The following ZNF804B variants were observed in gnomAD, a reference collection of about 807,000 sequenced individuals.
ZNF804B encodes the protein zinc finger 804B.
Under a neutral mutation model 101.4 loss-of-function variants are expected in ZNF804B, and 80 were observed. The ratio of observed to expected loss-of-function variants is 0.79; its 90% CI spans 0.66 to 0.95. The LOEUF is 0.95. Among genes scored for constraint, ZNF804B ranks in the 40% least tolerant of loss-of-function variants. The pLI, the probability that ZNF804B is intolerant of heterozygous loss-of-function variation, is 0.00. For missense variants in ZNF804B, 1,673 were observed against 1,561.9 expected, an observed-to-expected ratio of 1.07 and a Z score of -1.20; for synonymous variants, 622 against 558.8, an observed-to-expected ratio of 1.11 and a Z score of -1.59.
chr7:89,027,686 C>CAATGTGA (rs1788770978), intron 1 of ZNF804B, among the ~76,000 whole-genome samples: 1 of 152,110 alleles, frequency 6.6e-6, no homozygotes, highest in South Asian at 2.1e-4. Context: ...TGTGAGCCTT[C>CAATGTGA]AATGTGAAAA....
At chr7:89,035,190 G>C (rs1295899710) in intron 1 of ZNF804B, among the ~76,000 whole-genome samples, 3 of 152,016 alleles carry the variant, frequency 2.0e-5, no homozygotes, top group Non-Finnish European at 2.9e-5. Context: ...ATTTTGAAAA[G>C]ACCCACCTGC....
intron 2 of ZNF804B, among the ~76,000 whole-genome samples, chr7:89,247,633 C>T (rs1412728309): frequency 6.6e-6 from 1 of 151,684 alleles, no homozygotes; most frequent in Non-Finnish European, 1.5e-5. Context: ...AATATAATTA[C>T]AAAAATTAGA....
intron 1 of ZNF804B, among the ~76,000 whole-genome samples, chr7:89,098,364 C>T (rs1377987193): frequency 2.6e-5 from 4 of 151,742 alleles, no homozygotes; most frequent in African/African-American, 9.7e-5. Flanking sequence ...CTCTGCCTCC[C>T]GGGGTTCAAG....
intron 1 of ZNF804B, among the ~76,000 whole-genome samples, chr7:88,789,263 TA>T (rs1790345028): frequency 6.6e-6 from 1 of 152,088 alleles, no homozygotes; most frequent in Admixed American, 6.6e-5. Flanking sequence ...TCCATACCAA[TA>T]AAAAGTTCTA....
intron 1 of ZNF804B, among the ~76,000 whole-genome samples, chr7:88,833,957 A>T (rs1170660525): frequency 6.6e-6 from 1 of 151,826 alleles, no homozygotes; most frequent in Non-Finnish European, 1.5e-5. Flanking sequence ...GGTAGAGTAC[A>T]ATTAAAAAAA....
At chr7:89,204,270 C>A (rs890199222) in intron 1 of ZNF804B, among the ~76,000 whole-genome samples, 5 of 152,106 alleles carry the variant, frequency 3.3e-5, no homozygotes, top group African/African-American at 9.7e-5. Context: ...GTCTAATGCA[C>A]AATAGATATA....
intron 1 of ZNF804B, among the ~76,000 whole-genome samples, chr7:89,195,141 C>G: frequency 6.6e-6 from 1 of 150,830 alleles, no homozygotes; most frequent in Non-Finnish European, 1.5e-5. Flanking sequence ...ATTCAACAAC[C>G]TTCATGCTAA....
intron 1 of ZNF804B, among the ~76,000 whole-genome samples, chr7:88,934,557 T>C (rs1792938305): frequency 6.7e-6 from 1 of 150,342 alleles, no homozygotes. Context: ...AAGAAAAAAA[T>C]AATCCCATCA....
intron 1 of ZNF804B, among the ~76,000 whole-genome samples, chr7:88,776,571 T>G (rs1199037312): frequency 2.1e-5 from 3 of 144,576 alleles, no homozygotes; most frequent in Non-Finnish European, 4.5e-5. Flanking sequence ...TTTTTTTTTT[T>G]TTTTTTTTTT....
chr7:89,233,082 T>C (rs1172866712), intron 2 of ZNF804B, among the ~76,000 whole-genome samples: 7 of 151,414 alleles, frequency 4.6e-5, no homozygotes, highest in African/African-American at 9.8e-5. Context: ...CCACCACGCC[T>C]GGCTAATTTT....
At position 89,035,355 on chromosome 7, in the gene ZNF804B, A is replaced by G. The variant is rs545412630; in HGVS notation, c.109-182800A>G. Reference sequence around the variant, plus strand: ...GTTTAATTTCATTTTACTGTAGTTCAAAATCCTCCCCAGGGTGTAATTCTG... The same window carrying G: ...GTTTAATTTCATTTTACTGTAGTTCGAAATCCTCCCCAGGGTGTAATTCTG... On this transcript the variant is annotated intron_variant, in intron 1 of 3. Coordinates refer to ENST00000333190, the MANE Select transcript of ZNF804B (RefSeq NM_181646.5). 7.2e-5 allele frequency among the ~76,000 whole-genome samples: 11 copies of G among 152,216 alleles called. No individual in the cohort carries two copies. In the East Asian group the frequency reaches 1.7e-3, roughly 24 times the overall value.
intron 1 of ZNF804B, among the ~76,000 whole-genome samples, chr7:88,899,776 C>T (rs951093749): frequency 2.0e-5 from 3 of 152,098 alleles, no homozygotes; most frequent in Admixed American, 2.0e-4. Context: ...CTCAGATACC[C>T]ATATCTCCTT....
At chr7:89,209,021 AAAT>A (rs754699709) in intron 1 of ZNF804B, among the ~76,000 whole-genome samples, 4 of 151,876 alleles carry the variant, frequency 2.6e-5, no homozygotes, top group African/African-American at 4.8e-5. Context: ...CAAAAAAATA[AAAT>A]AATAATAATA....
chr7:88,818,451 A>G (rs1442961452), intron 1 of ZNF804B, among the ~76,000 whole-genome samples: 1 of 152,198 alleles, frequency 6.6e-6, no homozygotes, highest in Non-Finnish European at 1.5e-5. Context: ...CAATTTTAAT[A>G]TACCGTTATG....
At chr7:89,193,554 C>T (rs1312930304) in intron 1 of ZNF804B, among the ~76,000 whole-genome samples, 19 of 148,872 alleles carry the variant, frequency 1.3e-4, no homozygotes, top group African/African-American at 4.4e-4. Context: ...TGAGTGATAA[C>T]ATGTTGTGTT....
chr7:88,899,291 C>T (rs758868070), intron 1 of ZNF804B, among the ~76,000 whole-genome samples: 5 of 151,990 alleles, frequency 3.3e-5, no homozygotes, highest in Admixed American at 6.6e-5. Flanking sequence ...ATAAATGATC[C>T]TATCAAAACT....
At chr7:89,247,571 A>C (rs985130653) in intron 2 of ZNF804B, among the ~76,000 whole-genome samples, 23 of 152,170 alleles carry the variant, frequency 1.5e-4, no homozygotes, top group Admixed American at 1.4e-3. Flanking sequence ...ATAAAAAAAT[A>C]ATAATAATAT....
At chr7:89,167,498 T>C (rs1031207497) in intron 1 of ZNF804B, among the ~76,000 whole-genome samples, 4 of 141,894 alleles carry the variant, frequency 2.8e-5, no homozygotes, top group African/African-American at 1.0e-4. Flanking sequence ...ACTCTCGCAG[T>C]TCAAACTAGT....
At chr7:89,242,168 A>G (rs367941995) in intron 2 of ZNF804B, among the ~76,000 whole-genome samples, 1 of 151,966 alleles carries the variant, frequency 6.6e-6, no homozygotes, top group East Asian at 1.9e-4. Context: ...GTTATTTATT[A>G]TTGCAACTCA....
Sources: allele counts gnomAD v4.1 joint callset (sites outside exome capture counted in the v4.1 genomes callset), GRCh38; gene constraint gnomAD v4.1.1; transcripts MANE v1.5; gene names NCBI Gene and HGNC (gene_info 2026-07-23, HGNC 2026-07-21).